Variants in ERG observed in about 807,000 individuals in gnomAD.
The protein encoded by ERG is transcriptional regulator ERG.
ERG carries 9 observed loss-of-function variants against 55.3 expected under a neutral mutation model. The ratio of observed to expected loss-of-function variants is 0.16; its 90% CI spans 0.10 to 0.28. The LOEUF (loss-of-function observed/expected upper bound fraction) is 0.28. Ranked by LOEUF, ERG falls within the 10% of genes least tolerant of loss-of-function variation. The pLI, the probability that ERG is intolerant of heterozygous loss-of-function variation, is 1.00. For synonymous variants in ERG, 223 were observed against 237.3 expected (o/e 0.94, Z 0.55); for missense variants, 434 against 631.6 (o/e 0.69, Z 3.35).
chr21:38,491,130 G>T (rs2059331731), intron 1 of ERG, among the ~76,000 whole-genome samples: 1 of 151,174 alleles, frequency 6.6e-6, no homozygotes, highest in Non-Finnish European at 1.5e-5. Context: ...AACTAATTGT[G>T]TTGACAGATT....
intron 2 of ERG, among the ~76,000 whole-genome samples, chr21:38,571,975 A>C (rs1279699510): frequency 2.6e-5 from 4 of 152,184 alleles, no homozygotes; most frequent in African/African-American, 9.7e-5. Context: ...CAGATAACAA[A>C]AACATTTTAG....
intron 1 of ERG, among the ~76,000 whole-genome samples, chr21:38,582,499 T>C (rs539768081): frequency 5.8e-4 from 88 of 152,342 alleles, no homozygotes; most frequent in African/African-American, 2.0e-3. Context: ...TGTTCAGCAA[T>C]TCACAAAGGT....
At chr21:38,429,299 CAT>C (rs1052579997) in intron 2 of ERG, among the ~76,000 whole-genome samples, 4 of 151,480 alleles carry the variant, frequency 2.6e-5, no homozygotes, top group Admixed American at 2.0e-4. Context: ...CACACATATA[CAT>C]ATGTATATAT....
At chr21:38,550,624 C>CT (rs2059818202) in intron 2 of ERG, among the ~76,000 whole-genome samples, 3 of 152,238 alleles carry the variant, frequency 2.0e-5, no homozygotes, top group Admixed American at 6.5e-5. Flanking sequence ...TGATCTCAGA[C>CT]TTCCAGCCTT....
chr21:38,629,211 G>T (rs1601330894), intron 1 of ERG, among the ~76,000 whole-genome samples: 1 of 152,120 alleles, frequency 6.6e-6, no homozygotes, highest in African/African-American at 2.4e-5. Context: ...CTCCATCCCT[G>T]GTTCTTTCTC....
chr21:38,577,314 T>C (rs974919107), intron 1 of ERG, among the ~76,000 whole-genome samples: 1 of 152,168 alleles, frequency 6.6e-6, no homozygotes, highest in Non-Finnish European at 1.5e-5. Context: ...ATGCTCCACA[T>C]CTGTCTTCAG....
intron 1 of ERG, chr21:38,575,787 C>T (rs2836526): frequency 0.12 from 163,452 of 1,418,796 alleles, 10,109 homozygotes; most frequent in South Asian, 0.15. Flanking sequence ...TAATAAACAA[C>T]TGCATTTCTG....
intron 9 of ERG, among the ~76,000 whole-genome samples, chr21:38,387,302 C>T (rs1213820038): frequency 6.6e-6 from 1 of 152,188 alleles, no homozygotes; most frequent in African/African-American, 2.4e-5. Flanking sequence ...ATCCCGTGTG[C>T]ATGGCCTGGA....
chr21:38,378,174 T>C (rs988977745), downstream of ERG, among the ~76,000 whole-genome samples: 1 of 152,182 alleles, frequency 6.6e-6, no homozygotes, highest in African/African-American at 2.4e-5. Context: ...CACTAAGCCA[T>C]CACTGATTTC....
chr21:38,588,029 C>T (rs149293797), upstream of ERG, among the ~76,000 whole-genome samples: 120 of 152,204 alleles, frequency 7.9e-4, 2 homozygotes, highest in African/African-American at 2.3e-3. Flanking sequence ...TACCTGACAA[C>T]GTAAATTATG....
At chr21:38,571,984 A>G (rs1184908160) in intron 2 of ERG, among the ~76,000 whole-genome samples, 1 of 152,208 alleles carries the variant, frequency 6.6e-6, no homozygotes, top group Non-Finnish European at 1.5e-5. Context: ...AAAACATTTT[A>G]GTAGCAATGA....
intron 2 of ERG, among the ~76,000 whole-genome samples, chr21:38,567,896 G>A (rs1032096128): frequency 7.9e-5 from 12 of 152,170 alleles, no homozygotes; most frequent in African/African-American, 2.2e-4. Context: ...CAGTGACCTC[G>A]CACAGAACGC....
the ERG span, among the ~76,000 whole-genome samples, chr21:38,369,836 T>C: frequency 6.6e-6 from 1 of 152,226 alleles, no homozygotes; most frequent in African/African-American, 2.4e-5. Flanking sequence ...ATTCTGCATA[T>C]GACTTACCAC....
chr21:38,395,363 C>T (rs1988164651), intron 6 of ERG: 3 of 226,720 alleles, frequency 1.3e-5, no homozygotes, highest in Non-Finnish European at 2.6e-5. Flanking sequence ...AAAATCACTC[C>T]TCTATGTATC....
At position 38,485,281 on chromosome 21, in the gene ERG, G is replaced by A. The variant is rs2059272881; in HGVS notation, c.18+13082C>T. Among the ~76,000 whole-genome samples, 3 of 151,994 alleles carry A rather than the reference G, an allele frequency of 2.0e-5. No individual in the cohort carries two copies. The South Asian group carries it at 6.2e-4, about 32-fold the overall frequency. ...AAAAAAATAGAACAAAGCTTATTGA[G>A]TAAGGATATAAAGAATGAAAATATT... is the stretch of plus-strand genomic sequence containing the variant. On this transcript the variant is annotated intron_variant, in intron 1 of 9. Transcript: ENST00000288319.
chr21:38,507,794 G>T (rs899062673), intron 2 of ERG, among the ~76,000 whole-genome samples: 1 of 152,106 alleles, frequency 6.6e-6, no homozygotes, highest in African/African-American at 2.4e-5. Context: ...GCCCAGCTGT[G>T]GCCAAAGCAC....
At chr21:38,528,305 G>A (rs1397552681) in intron 2 of ERG, among the ~76,000 whole-genome samples, 2 of 152,130 alleles carry the variant, frequency 1.3e-5, no homozygotes, top group African/African-American at 4.8e-5. Context: ...GCCAGGCATG[G>A]TGGTGGGCAC....
Position 38,429,483 on chromosome 21 carries a change from G to C in ERG, c.237-5922C>G, listed in dbSNP as rs13050311. Among the ~76,000 whole-genome samples the C allele has an allele frequency of 3.1e-5, 4 of 127,640 alleles. 1 individual carries two copies. The highest frequency in any genetic ancestry group is 1.3e-4 in the African/African-American group (4 of 31,372). The allele number at this position is 127,640 out of a possible 152,430, so 83.7% of individuals were successfully genotyped here. On this transcript the variant is annotated intron_variant, in intron 2 of 9. Coordinates refer to ENST00000288319, the MANE Select transcript of ERG (RefSeq NM_182918.4). ...CATATACACATATGTGTATATACAT[G>C]TATGCACATGTACATATATACATAT...
chr21:38,514,400 A>G (rs565643054), intron 2 of ERG, among the ~76,000 whole-genome samples: 1 of 152,034 alleles, frequency 6.6e-6, no homozygotes, highest in Admixed American at 6.5e-5. Flanking sequence ...AACAGTATAT[A>G]CGACAATAAT....
Sources: gnomAD v4.1 joint callset for allele counts (sites outside exome capture counted in the v4.1 genomes callset) on GRCh38, gnomAD v4.1.1 for gene constraint, MANE v1.5 for transcripts, NCBI Gene and HGNC (gene_info 2026-07-23, HGNC 2026-07-21) for gene names.